CRPPA: variants seen among roughly 807,000 people sequenced by gnomAD.
CRPPA encodes the protein D-ribitol-5-phosphate cytidylyltransferase.
CRPPA carries 43 observed loss-of-function variants against 52.0 expected under a neutral mutation model. The observed-to-expected ratio is 0.83, with a 90% CI of 0.65 to 1.07. The LOEUF (loss-of-function observed/expected upper bound fraction) is 1.07, where lower values mean the gene tolerates loss of function less well. Ranked by LOEUF, CRPPA falls within the 50% of genes least tolerant of loss-of-function variation. The pLI, the probability that CRPPA is intolerant of heterozygous loss-of-function variation, is 0.00. For synonymous variants in CRPPA, 250 were observed against 203.5 expected (o/e 1.23, Z -1.94); for missense variants, 629 against 551.7 (o/e 1.14, Z -1.40).
At chr7:16,254,115 T>C (rs183041403) in intron 8 of CRPPA, among the ~76,000 whole-genome samples, 1 of 152,126 alleles carries the variant, frequency 6.6e-6, no homozygotes, top group Non-Finnish European at 1.5e-5. Context: ...TGTGGAGAAA[T>C]AGGAACACTT....
intron 2 of CRPPA, among the ~76,000 whole-genome samples, chr7:16,389,128 A>G (rs926955135): frequency 7.2e-5 from 11 of 152,230 alleles, no homozygotes; most frequent in Admixed American, 1.3e-4. Context: ...GAAATTTTTC[A>G]CAAAGAAAAG....
At chr7:16,344,876 C>G (rs1051166350) in intron 3 of CRPPA, among the ~76,000 whole-genome samples, 2 of 150,416 alleles carry the variant, frequency 1.3e-5, no homozygotes, top group Non-Finnish European at 3.0e-5. Flanking sequence ...TGAAGCATGC[C>G]AAAATAATCA....
At chr7:16,185,249 C>A (rs1248619497) in intron 9 of CRPPA, among the ~76,000 whole-genome samples, 1 of 152,130 alleles carries the variant, frequency 6.6e-6, no homozygotes, top group Non-Finnish European at 1.5e-5. Flanking sequence ...AGGGAAACTC[C>A]CCTTTATAAA....
intron 9 of CRPPA, among the ~76,000 whole-genome samples, chr7:16,170,356 G>C (rs1781154297): frequency 6.6e-6 from 1 of 152,338 alleles, no homozygotes; most frequent in African/African-American, 2.4e-5. Context: ...TTAAGCCGCA[G>C]ACCCTCGCGG....
At chr7:16,279,063 T>C (rs1784266376) in intron 5 of CRPPA, among the ~76,000 whole-genome samples, 1 of 152,204 alleles carries the variant, frequency 6.6e-6, no homozygotes, top group Non-Finnish European at 1.5e-5. Context: ...AAATTGCCTA[T>C]ATAGCTGCCA....
chr7:16,122,857 T>C (rs1388420327), intron 9 of CRPPA, among the ~76,000 whole-genome samples: 2 of 152,106 alleles, frequency 1.3e-5, no homozygotes, highest in Non-Finnish European at 2.9e-5. Flanking sequence ...AGGAAGAATA[T>C]ACTAATTTAC....
chr7:16,361,013 G>A (rs185077406), intron 3 of CRPPA, among the ~76,000 whole-genome samples: 15 of 152,034 alleles, frequency 9.9e-5, no homozygotes, highest in African/African-American at 3.1e-4. Context: ...TCCTAAACTC[G>A]ACAAAAAATA....
At chr7:16,222,092 T>C (rs1207394913) in intron 8 of CRPPA, among the ~76,000 whole-genome samples, 1 of 151,098 alleles carries the variant, frequency 6.6e-6, no homozygotes, top group Non-Finnish European at 1.5e-5. Context: ...GTGGCACATA[T>C]ACACCATGGA....
rs1583348496 is a variant in CRPPA, at chr7:16,091,138, G to A, written c.*557C>T. The A allele has an allele frequency of 6.6e-6, 1 of 152,292 alleles. No individual in the cohort carries two copies. The highest frequency in any genetic ancestry group is 2.4e-5 in the African/African-American group (1 of 41,456). The allele number at this position is 152,292 out of a possible 1,614,324, so 9.4% of individuals were successfully genotyped here. On this transcript the variant is annotated 3_prime_UTR_variant, in exon 10 of 10. Transcript: ENST00000407010. ...CTGTTTTAGGGATCTTGAGTAATAT[G>A]TGGCAAATGGGGAAAATGCTAGAAA...
chr7:16,238,701 C>A (rs1361837087), intron 8 of CRPPA, among the ~76,000 whole-genome samples: 1 of 152,090 alleles, frequency 6.6e-6, no homozygotes, highest in African/African-American at 2.4e-5. Flanking sequence ...AATAGGAATA[C>A]CATATCACCT....
chr7:16,389,761 G>A (rs1787386664), intron 2 of CRPPA, among the ~76,000 whole-genome samples: 1 of 151,004 alleles, frequency 6.6e-6, no homozygotes, highest in Non-Finnish European at 1.5e-5. Context: ...AGGATAATTA[G>A]GCAAGAAAAT....
intron 5 of CRPPA, among the ~76,000 whole-genome samples, chr7:16,296,455 A>G (rs140615838): frequency 2.9e-4 from 44 of 152,296 alleles, no homozygotes; most frequent in Admixed American, 7.2e-4. Context: ...AACATGAGAC[A>G]TGATATTTAT....
chr7:16,350,414 A>G (rs186514079), intron 3 of CRPPA, among the ~76,000 whole-genome samples: 118 of 152,272 alleles, frequency 7.7e-4, no homozygotes, highest in African/African-American at 2.7e-3. Context: ...AAACTATTCA[A>G]AGCACCTAAA....
chr7:16,411,514 T>G (rs1346121664), intron 1 of CRPPA, among the ~76,000 whole-genome samples: 1 of 151,898 alleles, frequency 6.6e-6, no homozygotes, highest in Non-Finnish European at 1.5e-5. Context: ...CATTCTTTCA[T>G]GTGTTCCTTT....
At chr7:16,222,564 G>A (rs1583443560) in intron 8 of CRPPA, among the ~76,000 whole-genome samples, 1 of 151,984 alleles carries the variant, frequency 6.6e-6, no homozygotes, top group East Asian at 1.9e-4. Flanking sequence ...TTTTTAACTG[G>A]GTGAGATAGA....
At chr7:16,202,237 T>C (rs1781876607) in intron 9 of CRPPA, among the ~76,000 whole-genome samples, 1 of 152,212 alleles carries the variant, frequency 6.6e-6, no homozygotes. Flanking sequence ...ATTTGTAATT[T>C]ATTAACTTTT....
chr7:16,254,797 GAAAGAAAGAAA>G (rs1783576980), intron 8 of CRPPA, among the ~76,000 whole-genome samples: 8 of 55,340 alleles, frequency 1.4e-4, no homozygotes, highest in African/African-American at 3.5e-4. Context: ...AAGAAGGAAA[GAAAGAAAGAAA>G]GAAAGAAAGA....
At chr7:16,379,646 T>G (rs1384152177) in intron 2 of CRPPA, among the ~76,000 whole-genome samples, 2 of 152,186 alleles carry the variant, frequency 1.3e-5, no homozygotes, top group African/African-American at 4.8e-5. Context: ...TCCATTTCTT[T>G]GTATCCTCTT....
intron 9 of CRPPA, among the ~76,000 whole-genome samples, chr7:16,191,073 A>G (rs2128390439): frequency 6.6e-6 from 1 of 152,218 alleles, no homozygotes; most frequent in African/African-American, 2.4e-5. Flanking sequence ...AAATTATCCA[A>G]TTGTTAATTG....
Sources: gnomAD v4.1 joint callset for allele counts (sites outside exome capture counted in the v4.1 genomes callset) on GRCh38, gnomAD v4.1.1 for gene constraint, MANE v1.5 for transcripts, NCBI Gene and HGNC (gene_info 2026-07-23, HGNC 2026-07-21) for gene names.